Variants in STAC observed in about 807,000 individuals in gnomAD.
The protein encoded by STAC is SH3 and cysteine-rich domain-containing protein.
STAC carries 43 observed loss-of-function variants against 48.8 expected under a neutral mutation model. The ratio of observed to expected loss-of-function variants is 0.88; its 90% CI spans 0.69 to 1.14. The LOEUF is 1.14. Among genes scored for constraint, STAC ranks in the 50% most tolerant of loss-of-function variants. The pLI, the probability that STAC is intolerant of heterozygous loss-of-function variation, is 0.00. For missense variants in STAC, 497 were observed against 504.0 expected (o/e 0.99, Z 0.13); for synonymous variants, 193 against 179.5 (o/e 1.07, Z -0.60).
chr3:36,494,044 C>T (rs942940649), intron 6 of STAC, among the ~76,000 whole-genome samples: 5 of 147,656 alleles, frequency 3.4e-5, no homozygotes, highest in South Asian at 2.2e-4. Flanking sequence ...CCCAGCTACT[C>T]GGGAGGCTGA....
chr3:36,496,390 G>C (rs1013015544), intron 6 of STAC, among the ~76,000 whole-genome samples: 11 of 152,108 alleles, frequency 7.2e-5, no homozygotes, highest in African/African-American at 2.7e-4. Flanking sequence ...ATGCAAGGAG[G>C]GTGTTGCTGT....
chr3:36,437,931 G>GTTATTTATTATTATTATTATTATTA (rs1362673521), intron 1 of STAC, among the ~76,000 whole-genome samples: 2 of 140,576 alleles, frequency 1.4e-5, no homozygotes, highest in East Asian at 4.1e-4. Flanking sequence ...TATTCATTGA[G>GTTATTTATTATTATTATTATTATTA]TTATTATTAT....
At chr3:36,414,291 C>A (rs1404273983) in intron 1 of STAC, among the ~76,000 whole-genome samples, 2 of 152,050 alleles carry the variant, frequency 1.3e-5, no homozygotes, top group African/African-American at 2.4e-5. Flanking sequence ...GTTCAATTCT[C>A]CCCATCACTT....
At chr3:36,490,481 T>C (rs1029222786) in intron 5 of STAC, among the ~76,000 whole-genome samples, 2 of 152,212 alleles carry the variant, frequency 1.3e-5, no homozygotes, top group Non-Finnish European at 2.9e-5. Context: ...CTCAAATCTT[T>C]GATGAGAGCC....
intron 2 of STAC, among the ~76,000 whole-genome samples, chr3:36,477,584 T>A (rs551371118): frequency 8.6e-4 from 131 of 152,330 alleles, no homozygotes; most frequent in Non-Finnish European, 1.4e-3. Flanking sequence ...ACAGATGTCT[T>A]TGTGCTCCAA....
At chr3:36,522,577 T>C (rs1387470451) in intron 8 of STAC, among the ~76,000 whole-genome samples, 1 of 152,180 alleles carries the variant, frequency 6.6e-6, no homozygotes, top group Non-Finnish European at 1.5e-5. Flanking sequence ...TTGAATGTCA[T>C]AGAGTTTTCC....
intron 1 of STAC, among the ~76,000 whole-genome samples, chr3:36,436,704 T>G (rs1172819943): frequency 6.6e-6 from 1 of 152,150 alleles, no homozygotes; most frequent in Non-Finnish European, 1.5e-5. Flanking sequence ...CTGTCCAAAT[T>G]TATATTATTT....
intron 6 of STAC, among the ~76,000 whole-genome samples, chr3:36,495,613 C>A (rs1261575221): frequency 1.3e-5 from 2 of 152,260 alleles, no homozygotes; most frequent in African/African-American, 4.8e-5. Flanking sequence ...CCTGGCCTGG[C>A]TCTGTCTATG....
chr3:36,528,772 A>G (rs1424149087), intron 9 of STAC, 25 bp downstream of exon 9: 1 of 1,600,560 alleles, frequency 6.2e-7, no homozygotes, highest in Non-Finnish European at 8.5e-7. Flanking sequence ...TTCTTTAAAA[A>G]AAAAAGAGAA....
chr3:36,544,068 A>G (rs1295992405), intron 10 of STAC, among the ~76,000 whole-genome samples: 1 of 152,160 alleles, frequency 6.6e-6, no homozygotes, highest in Non-Finnish European at 1.5e-5. Flanking sequence ...GTGAGAAAAC[A>G]CACTCTTTGG....
chr3:36,432,239 C>T (rs866133812), intron 1 of STAC, among the ~76,000 whole-genome samples: 10 of 152,148 alleles, frequency 6.6e-5, no homozygotes, highest in African/African-American at 2.2e-4. Flanking sequence ...ATTTTATGGA[C>T]GGGGAATTTG....
intron 7 of STAC, 36 bp downstream of exon 7, chr3:36,504,493 G>A (rs769589102): frequency 3.1e-5 from 50 of 1,599,002 alleles, no homozygotes; most frequent in Non-Finnish European, 3.9e-5. Context: ...AGTCAGACAG[G>A]AGTCCTTAGA....
intron 10 of STAC, among the ~76,000 whole-genome samples, chr3:36,541,721 A>G (rs986303642): frequency 4.6e-5 from 7 of 152,196 alleles, no homozygotes; most frequent in African/African-American, 1.7e-4. Flanking sequence ...TGTGTCCCAT[A>G]CTAGGAAAGC....
Position 36,470,879 on chromosome 3 carries a change from G to C in STAC, c.389-12113G>C, listed in dbSNP as rs76154246. ...TTCATGAAGTATGGCCAGAATTCTT[G>C]ATTTGGTGCAAAAATTTTCACGTTA... On this transcript the variant is annotated intron_variant, in intron 2 of 10. Transcript: ENST00000273183. 1.4e-3 allele frequency among the ~76,000 whole-genome samples: 213 copies of C among 152,306 alleles called. 4 individuals are homozygous for C. The East Asian group carries it at 0.04, about 28-fold the overall frequency.
chr3:36,501,845 A>G (rs1698290458), intron 6 of STAC, among the ~76,000 whole-genome samples: 1 of 152,190 alleles, frequency 6.6e-6, no homozygotes, highest in Non-Finnish European at 1.5e-5. Flanking sequence ...AACCCAAACA[A>G]GGATATCATG....
At chr3:36,515,974 CCTTT>C (rs1559521606) in intron 8 of STAC, among the ~76,000 whole-genome samples, 1 of 122,222 alleles carries the variant, frequency 8.2e-6, no homozygotes, top group African/African-American at 3.1e-5. Flanking sequence ...TCATTTTTCT[CCTTT>C]TTTTTTTTTT....
chr3:36,513,988 T>C (rs965066987), intron 8 of STAC, among the ~76,000 whole-genome samples: 2 of 152,100 alleles, frequency 1.3e-5, no homozygotes, highest in African/African-American at 2.4e-5. Flanking sequence ...CCATGAATCC[T>C]GAAAAAGTTA....
intron 2 of STAC, among the ~76,000 whole-genome samples, chr3:36,482,603 T>C (rs1017602402): frequency 6.6e-6 from 1 of 152,194 alleles, no homozygotes; most frequent in Non-Finnish European, 1.5e-5. Context: ...GCTCAGTTCC[T>C]GTGATAGAAA....
chr3:36,416,260 C>T (rs1417352895), intron 1 of STAC, among the ~76,000 whole-genome samples: 1 of 152,102 alleles, frequency 6.6e-6, no homozygotes, highest in African/African-American at 2.4e-5. Context: ...CACTTGAGCC[C>T]AGGACTTCAA....
Sources: gnomAD v4.1 joint callset for allele counts (sites outside exome capture counted in the v4.1 genomes callset) on GRCh38, gnomAD v4.1.1 for gene constraint, MANE v1.5 for transcripts, NCBI Gene and HGNC (gene_info 2026-07-23, HGNC 2026-07-21) for gene names.